The following CRAT variants were observed in gnomAD, a reference collection of about 807,000 sequenced individuals.
CRAT encodes the protein carnitine acetylase.
CRAT carries 66 observed loss-of-function variants against 73.7 expected under a neutral mutation model. That is an observed-to-expected ratio of 0.90 (90% CI 0.73 to 1.10). The LOEUF (loss-of-function observed/expected upper bound fraction) is 1.10, where lower values mean the gene tolerates loss of function less well. CRAT is among the 50% of genes least tolerant of loss of function. CRAT has a pLI of 0.00. For synonymous variants in CRAT, 321 were observed against 343.2 expected, an observed-to-expected ratio of 0.94 and a Z score of 0.71; for missense variants, 745 against 846.9, an observed-to-expected ratio of 0.88 and a Z score of 1.49.
chr9:129,104,274 G>A lies in CRAT; in HGVS notation c.324C>T (p.Leu108=), dbSNP rs771296577. The change falls in exon 3 of 14, where the codon CTC becomes CTT. Residue 108 remains leucine (L), a synonymous_variant. Coordinates refer to ENST00000318080, the MANE Select transcript of CRAT (RefSeq NM_000755.5). ...AGATGACCACAGGCTGGCGGTACTG[G>A]AGGTAGGCGGTCTTGAGCCACCACT... ...LSEWWLKTAY[L]QYRQPVVIYS... 4.3e-6 allele frequency: 7 copies of A among 1,613,498 alleles called. No individual in the cohort carries two copies. The highest frequency in any genetic ancestry group is 3.4e-6 in the Non-Finnish European group (4 of 1,179,816).
chr9:129,098,170 C>T, intron 10 of CRAT, 22 bp from the exon 11 acceptor site: 1 of 1,613,356 alleles, frequency 6.2e-7, no homozygotes, highest in Non-Finnish European at 8.5e-7. Flanking sequence ...TGGGGCTAAG[C>T]ACGCCCCTTG....
Position 129,095,558 on chromosome 9 carries a change from A to G in CRAT, c.1720T>C (p.Tyr574His). Residue 574 changes from tyrosine (Y) to histidine (H), a missense_variant, in exon 14 of 14, where the codon TAC (tyrosine) becomes CAC (histidine). Physicochemically the swap from Tyr to His is moderately conservative, Grantham distance 83 (BLOSUM62 2). Transcript: ENST00000318080. ...MFFGPVVPDG[Y>H]GVCYNPMEAH... Reference sequence around the variant, plus strand: ...TCCATGGGGTTATAGCAGACACCGTAGCCGTCGGGGACCACGGGCCCGAAG... The same window carrying G: ...TCCATGGGGTTATAGCAGACACCGTGGCCGTCGGGGACCACGGGCCCGAAG... 3 of 1,613,428 alleles carry G rather than the reference A, an allele frequency of 1.9e-6. No individual in the cohort carries two copies. The highest frequency in any genetic ancestry group is 2.5e-6 in the Non-Finnish European group (3 of 1,179,996).
intron 1 of CRAT, among the ~76,000 whole-genome samples, chr9:129,109,518 A>T (rs924161053): frequency 9.2e-5 from 14 of 152,204 alleles, no homozygotes; most frequent in African/African-American, 2.9e-4. Context: ...GATTTGAATG[A>T]GCAGGTCCAG....
intron 1 of CRAT, among the ~76,000 whole-genome samples, chr9:129,109,884 G>A (rs1372902300): frequency 5.3e-5 from 8 of 151,360 alleles, no homozygotes; most frequent in Admixed American, 3.9e-4. Context: ...GGGGGCTAGA[G>A]GGGAGGATAT....
rs1481567744 is a variant in CRAT at position 129,106,963 on chromosome 9, G to A, written c.291+851C>T. On this transcript the variant is annotated intron_variant, in intron 2 of 13. Transcript: ENST00000318080. This position sits in a 1 kb window ranked among gnomAD's most constrained non-coding sequence, Gnocchi z 4.0. The stretch of plus-strand genomic sequence containing the variant: ...CCGGTGTCAGACCCAGGCTGCCACA[G>A]CTCCTTGGGGGTGATGTCACCCCTC... Among the ~76,000 whole-genome samples, 4 of 152,042 alleles carry A rather than the reference G, an allele frequency of 2.6e-5. No individual in the cohort carries two copies. Among genetic ancestry groups the A allele is most frequent in the Non-Finnish European group, 5.9e-5 (4 of 67,998 alleles).
intron 13 of CRAT, 136 bp from the exon 14 acceptor site, chr9:129,095,748 C>A: frequency 1.0e-6 from 1 of 976,300 alleles, no homozygotes; most frequent in Non-Finnish European, 1.5e-6. Context: ...TATATCCCAG[C>A]AACCACTACA....
At chr9:129,108,174 G>T in intron 1 of CRAT, 97 bp from the exon 2 acceptor site, 1 of 1,422,282 alleles carries the variant, frequency 7.0e-7, no homozygotes, top group Non-Finnish European at 9.2e-7. Flanking sequence ...CCCATCCCTG[G>T]GGGCAGAGAC....
In CRAT at chr9:129,104,214, G is replaced by A. The variant is rs148243375; in HGVS notation, c.384C>T (p.Asp128=). 1 of 1,611,778 alleles carries A rather than the reference G, an allele frequency of 6.2e-7. No individual in the cohort carries two copies. The highest frequency in any genetic ancestry group is 1.1e-5 in the South Asian group (1 of 90,538). ...GGAGCTGACCCTGCAGGTCCACGAAGTCCTGCTTGGGTAGCATCACGCCTG... is the reference window on the plus strand; with the variant it reads ...GGAGCTGACCCTGCAGGTCCACGAAATCCTGCTTGGGTAGCATCACGCCTG... ...SSPGVMLPKQ[D]FVDLQGQLRF... Residue 128 remains aspartate, a synonymous_variant, in exon 3 of 14, where the codon GAC becomes GAT. Transcript: ENST00000318080.
Position 129,095,325 on chromosome 9 carries a change from G to A in CRAT, c.*72C>T. ...GAACCAAGGAAGAGGGAACCAAGGA[G>A]CTGAGCCCTGGTGGGTGGCCCATCC... On this transcript the variant is annotated 3_prime_UTR_variant, in exon 14 of 14. Coordinates refer to ENST00000318080, the MANE Select transcript of CRAT (RefSeq NM_000755.5). 2.0e-6 allele frequency: 3 copies of A among 1,487,508 alleles called. No homozygotes were observed. The highest frequency in any genetic ancestry group is 2.8e-6 in the Non-Finnish European group (3 of 1,082,736). The allele number at this position is 1,487,508 out of a possible 1,614,324, so 92.1% of individuals were successfully genotyped here.
Position 129,100,708 on chromosome 9 carries a change from G to A in CRAT, c.806-19C>T, listed in dbSNP as rs539577499. Reference sequence around the variant, plus strand: ...ACCTTGTCTGCAGGTGGCATGGGGCGGGGAGACGCAAAATGGGGTCTCATG... The same window carrying A: ...ACCTTGTCTGCAGGTGGCATGGGGCAGGGAGACGCAAAATGGGGTCTCATG... On this transcript the variant is annotated intron_variant, in intron 6 of 13. Transcript: ENST00000318080. 1.3e-5 allele frequency: 21 copies of A among 1,607,378 alleles called. No individual in the cohort carries two copies. The highest frequency in any genetic ancestry group is 1.7e-4 in the Middle Eastern group (1 of 6,028).
Position 129,095,330 on chromosome 9 carries a change from G to T in CRAT, c.*67C>A. ...AAGGAAGAGGGAACCAAGGAGCTGA[G>T]CCCTGGTGGGTGGCCCATCCCAGGG... is the stretch of plus-strand genomic sequence containing the variant. On this transcript the variant is annotated 3_prime_UTR_variant, in exon 14 of 14. Transcript: ENST00000318080. 1 of 1,508,980 alleles carries T rather than the reference G, an allele frequency of 6.6e-7. No individual in the cohort carries two copies. The highest frequency in any genetic ancestry group is 9.1e-7 in the Non-Finnish European group (1 of 1,099,876). The allele number at this position is 1,508,980 out of a possible 1,614,324, so 93.5% of individuals were successfully genotyped here. A position where few individuals can be genotyped will look rare whatever the true frequency, so the allele number is the denominator to read the frequency against.
Position 129,110,718 on chromosome 9 carries a change from C to G in CRAT, c.-209G>C, listed in dbSNP as rs1332503828. On this transcript the variant is annotated 5_prime_UTR_variant, in exon 1 of 14. Coordinates refer to ENST00000318080, the MANE Select transcript of CRAT (RefSeq NM_000755.5). The surrounding 1 kb of genome is among the most constrained non-coding windows in gnomAD (Gnocchi z 5.3). ...GGGAAGGCACCCGGGGAGGAGGACT[C>G]GCGAGGCGGGGCCTGGGCCGGTAGC... is the stretch of plus-strand genomic sequence containing the variant. 5 of 635,106 alleles carry G rather than the reference C, an allele frequency of 7.9e-6. No individual in the cohort carries two copies. In the Admixed American group the frequency reaches 1.7e-4, roughly 21 times the overall value. The allele number at this position is 635,106 out of a possible 1,614,324, so 39.3% of individuals were successfully genotyped here. A position where few individuals can be genotyped will look rare whatever the true frequency, so the allele number is the denominator to read the frequency against.
chr9:129,105,523 T>C (rs1387197196), intron 2 of CRAT, among the ~76,000 whole-genome samples: 1 of 151,940 alleles, frequency 6.6e-6, no homozygotes. Context: ...GTTTTCACCA[T>C]GTTGGCCAGG....
In CRAT at chr9:129,095,242, A is replaced by T. The variant is rs1358521158; in HGVS notation, c.*155T>A. 2.5e-5 allele frequency: 20 copies of T among 813,558 alleles called. No individual in the cohort carries two copies. In the East Asian group the frequency reaches 5.3e-4, roughly 22 times the overall value. The allele number at this position is 813,558 out of a possible 1,614,324, so 50.4% of individuals were successfully genotyped here. On this transcript the variant is annotated 3_prime_UTR_variant, in exon 14 of 14. Coordinates refer to ENST00000318080, the MANE Select transcript of CRAT (RefSeq NM_000755.5). ...CGGAAGGCACTTGGCTGGGGCCTGC[A>T]GGCCCCCTGGAGGATGCGGTCCGTG... is the stretch of plus-strand genomic sequence containing the variant.
In CRAT at chr9:129,100,568, C is replaced by T. The variant is rs1847603687; in HGVS notation, c.927G>A (p.Leu309=). 3.1e-6 allele frequency: 5 copies of T among 1,613,936 alleles called. No individual in the cohort carries two copies. The highest frequency in any genetic ancestry group is 4.2e-6 in the Non-Finnish European group (5 of 1,179,988). ...VYRSHVAGQM[L]HGGGSRLNSG... The stretch of plus-strand genomic sequence containing the variant: ...TGTTGAGCCTGCTGCCGCCCCCATG[C>T]AGCATCTGGCCTGCCACGTGGCTGC... Residue 309 remains leucine, a synonymous_variant, in exon 7 of 14, where the codon CTG becomes CTA. Coordinates refer to ENST00000318080, the MANE Select transcript of CRAT (RefSeq NM_000755.5).
Sources: gnomAD v4.1 joint callset for allele counts (sites outside exome capture counted in the v4.1 genomes callset) on GRCh38, gnomAD v4.1.1 for gene constraint, Gnocchi (gnomAD v3.1) non-coding constraint, MANE v1.5 for transcripts, NCBI Gene and HGNC (gene_info 2026-07-23, HGNC 2026-07-21) for gene names.